The following SNX31 variants were observed in gnomAD, a reference collection of about 807,000 sequenced individuals.
SNX31 encodes the protein sorting nexin 31.
A neutral mutation model predicts 65.4 loss-of-function variants in SNX31; 58 were observed. The ratio of observed to expected loss-of-function variants is 0.89; its 90% CI spans 0.72 to 1.10. The LOEUF (loss-of-function observed/expected upper bound fraction) is 1.10, where lower values mean the gene tolerates loss of function less well. Ranked by LOEUF, SNX31 falls within the 50% of genes least tolerant of loss-of-function variation. The pLI is 0.00. For missense variants in SNX31, 523 were observed against 529.7 expected (o/e 0.99, Z 0.12); for synonymous variants, 181 against 190.1 (o/e 0.95, Z 0.39).
At chr8:100,611,415 A>G (rs1816696973) in intron 7 of SNX31, among the ~76,000 whole-genome samples, 2 of 152,146 alleles carry the variant, frequency 1.3e-5, no homozygotes, top group African/African-American at 4.8e-5. Context: ...GTAGAGATGC[A>G]GAAAGATGGC....
At chr8:100,600,214 A>G in intron 9 of SNX31, 135 bp downstream of exon 9, 7 of 683,806 alleles carry the variant, frequency 1.0e-5, no homozygotes, top group Non-Finnish European at 1.5e-5. Context: ...CAATCAATGA[A>G]GATATTCTTA....
At chr8:100,593,657 T>C (rs1586882364) in intron 10 of SNX31, among the ~76,000 whole-genome samples, 1 of 152,024 alleles carries the variant, frequency 6.6e-6, no homozygotes, top group Non-Finnish European at 1.5e-5. Context: ...TTTCTCCATG[T>C]TGGCCAGGCT....
intron 7 of SNX31, 140 bp from the exon 8 acceptor site, chr8:100,608,703 G>T: frequency 1.4e-6 from 1 of 698,896 alleles, no homozygotes. Flanking sequence ...CACTTGCCCA[G>T]CTTTCACTCT....
chr8:100,599,358 G>A (rs1382130623), intron 9 of SNX31, among the ~76,000 whole-genome samples: 2 of 152,054 alleles, frequency 1.3e-5, no homozygotes, highest in Admixed American at 1.3e-4. Context: ...TACACAGTTT[G>A]TAATTGCATC....
intron 2 of SNX31, among the ~76,000 whole-genome samples, chr8:100,638,213 C>T (rs1037545252): frequency 2.6e-5 from 4 of 152,188 alleles, no homozygotes; most frequent in African/African-American, 9.6e-5. Context: ...TCATCCTCAA[C>T]TTCTCATCTC....
intron 2 of SNX31, among the ~76,000 whole-genome samples, chr8:100,641,616 A>C (rs1819229708): frequency 1.7e-5 from 1 of 57,920 alleles, no homozygotes; most frequent in Admixed American, 2.2e-4. Flanking sequence ...ACACACACGC[A>C]CACACGCGCA....
At chr8:100,662,479 C>T (rs1439579981) in intron 1 of SNX31, among the ~76,000 whole-genome samples, 3 of 152,180 alleles carry the variant, frequency 2.0e-5, no homozygotes, top group Non-Finnish European at 4.4e-5. Context: ...GGGCGGTTCA[C>T]CTGAGGTCAG....
Position 100,600,363 on chromosome 8 carries a change from C to T in SNX31, c.760G>A (p.Asp254Asn). 1 of 1,613,470 alleles carries T rather than the reference C, an allele frequency of 6.2e-7. No homozygotes were observed. The highest frequency in any genetic ancestry group is 2.2e-5 in the East Asian group (1 of 44,770). The change falls in exon 9 of 14, where the codon GAC becomes AAC. Residue 254 changes from aspartate (D) to asparagine (N), a missense_variant. Transcript: ENST00000311812. Reference protein sequence around the residue: ...RQKLEAFQKEDSQTKFLELAR... With the variant: ...RQKLEAFQKENSQTKFLELAR... ...ATTTGATTCACCTTTGTTTGACTGT[C>T]TTCTTTCTGGAAAGCTTCTAATTTC...
chr8:100,641,102 A>T (rs1030399423), intron 2 of SNX31, among the ~76,000 whole-genome samples: 16 of 151,764 alleles, frequency 1.1e-4, no homozygotes, highest in African/African-American at 2.9e-4. Context: ...AGTTTATTTA[A>T]AAAAAAACTG....
chr8:100,637,642 C>T (rs535947860), intron 2 of SNX31, among the ~76,000 whole-genome samples: 21 of 152,300 alleles, frequency 1.4e-4, no homozygotes, highest in African/African-American at 5.1e-4. Context: ...TGCTTCTACC[C>T]GTGACTCCTT....
rs1238223434 is a variant in SNX31, at chr8:100,573,879, C to A, written c.1309G>T (p.Glu437Ter). ...KDDCVFGNIK[E>*]EDL ...GAGAGCTTTCTTCAGAGATCTTCTT[C>A]CTTTATGTTCCCAAAAACGCAGTCA... The change falls in exon 14 of 14, where the codon GAA becomes TAA. Residue 437 changes from glutamate to a stop codon, truncating the protein, a stop_gained. Coordinates refer to ENST00000311812, the MANE Select transcript of SNX31 (RefSeq NM_152628.4). LOFTEE classifies it high-confidence loss of function. The A allele has an allele frequency of 2.5e-6, 4 of 1,574,318 alleles. No individual in the cohort carries two copies. In the African/African-American group the frequency reaches 5.5e-5, roughly 22 times the overall value.
rs1411109258 is a variant in SNX31, at chr8:100,613,012, T to C, written c.506A>G (p.Lys169Arg). The change falls in exon 6 of 14, where the codon AAG becomes AGG. Residue 169 changes from lysine to arginine, a missense_variant. Coordinates refer to ENST00000311812, the MANE Select transcript of SNX31 (RefSeq NM_152628.4). This position sits in a 1 kb window ranked among gnomAD's most constrained non-coding sequence, Gnocchi z 5.2. ...YFGLFLIRFGKEGKLSVVKKL... is the reference protein window; with the variant it reads ...YFGLFLIRFGREGKLSVVKKL... ...CTTCTTACCAGAGAGCTTGCCCTCC[T>C]TGCCAAACCGAATGAGAAAGAGGCC... 1.2e-6 allele frequency: 2 copies of C among 1,613,950 alleles called. No homozygotes were observed. Among genetic ancestry groups the C allele is most frequent in the Non-Finnish European group, 1.7e-6 (2 of 1,179,978 alleles).
chr8:100,577,308 G>A (rs1813126913), intron 12 of SNX31, among the ~76,000 whole-genome samples: 1 of 152,218 alleles, frequency 6.6e-6, no homozygotes, highest in South Asian at 2.1e-4. Context: ...TTTCACATTA[G>A]TGGTTGCCTA....
chr8:100,599,716 A>G (rs1586902478), intron 9 of SNX31, among the ~76,000 whole-genome samples: 1 of 152,262 alleles, frequency 6.6e-6, no homozygotes. Flanking sequence ...ACAACAAAAC[A>G]GAGGCCATTT....
intron 1 of SNX31, 40 bp from the exon 2 acceptor site, chr8:100,649,388 G>A: frequency 6.2e-7 from 1 of 1,611,762 alleles, no homozygotes. Context: ...TGAGCCGAGG[G>A]ATAAGTGAGC....
upstream of SNX31, among the ~76,000 whole-genome samples, chr8:100,652,026 C>G (rs551855351): frequency 1.3e-5 from 2 of 152,150 alleles, no homozygotes; most frequent in South Asian, 4.1e-4. Context: ...TCACCCAGGC[C>G]GGAGTGCAGT....
rs529263913 is a variant in SNX31 at position 100,615,323 on chromosome 8, A to G, written c.433-2238T>C. On this transcript the variant is annotated intron_variant, in intron 5 of 13. Coordinates refer to ENST00000311812, the MANE Select transcript of SNX31 (RefSeq NM_152628.4). ...GAACCCTGGAGATACTGCCCTACTCAGTACGTATTCAGCACTCCCTCCAAT... is the reference window on the plus strand; with the variant it reads ...GAACCCTGGAGATACTGCCCTACTCGGTACGTATTCAGCACTCCCTCCAAT... 1.9e-4 allele frequency among the ~76,000 whole-genome samples: 29 copies of G among 152,346 alleles called. No homozygotes were observed. In the East Asian group the frequency reaches 5.6e-3, roughly 29 times the overall value.
Position 100,660,593 on chromosome 8 carries a change from C to G in SNX31, c.-58+2549G>C, listed in dbSNP as rs1175757141. 6.6e-6 allele frequency among the ~76,000 whole-genome samples: 1 copy of G among 152,156 alleles called. No individual in the cohort carries two copies. Among genetic ancestry groups the G allele is most frequent in the Non-Finnish European group, 1.5e-5 (1 of 68,026 alleles). Reference sequence around the variant, plus strand: ...CAAGTGGCAGGCGTCCCTGACCTGACAGAAGAAGGTTCTGTAGGGGTCAAA... The same window carrying G: ...CAAGTGGCAGGCGTCCCTGACCTGAGAGAAGAAGGTTCTGTAGGGGTCAAA... On this transcript the variant is annotated intron_variant, in intron 1 of 5. Transcript: ENST00000520352. This position sits in a 1 kb window ranked among gnomAD's most constrained non-coding sequence, Gnocchi z 4.1.
intron 2 of SNX31, among the ~76,000 whole-genome samples, chr8:100,644,331 T>C (rs13258229): frequency 0.39 from 59,866 of 152,114 alleles, 12,262 homozygotes; most frequent in East Asian, 0.49. Flanking sequence ...CCATATCACT[T>C]ACACAGGATG....
Sources: gnomAD v4.1 joint callset for allele counts (sites outside exome capture counted in the v4.1 genomes callset) on GRCh38, gnomAD v4.1.1 for gene constraint, Gnocchi (gnomAD v3.1) non-coding constraint, MANE v1.5 for transcripts, NCBI Gene and HGNC (gene_info 2026-07-23, HGNC 2026-07-21) for gene names.